Variants in EIF2B3 observed in about 807,000 individuals in gnomAD.
EIF2B3 encodes the protein eukaryotic translation initiation factor 2B subunit gamma.
A neutral mutation model predicts 54.1 loss-of-function variants in EIF2B3; 20 were observed. The ratio of observed to expected loss-of-function variants is 0.37; its 90% CI spans 0.26 to 0.54. EIF2B3 has a LOEUF of 0.54. Among genes scored for constraint, EIF2B3 ranks in the 20% least tolerant of loss-of-function variants. EIF2B3 has a pLI of 0.86. For missense variants in EIF2B3, 448 were observed against 547.8 expected (o/e 0.82, Z 1.82); for synonymous variants, 153 against 188.1 (o/e 0.81, Z 1.52).
At chr1:44,962,559 C>T (rs900267250) in intron 3 of EIF2B3, among the ~76,000 whole-genome samples, 4 of 152,142 alleles carry the variant, frequency 2.6e-5, no homozygotes, top group Admixed American at 1.3e-4. Flanking sequence ...TACTGGTGCA[C>T]ACCACTGTAC....
intron 5 of EIF2B3, among the ~76,000 whole-genome samples, chr1:44,913,332 T>C (rs1055430361): frequency 1.3e-5 from 2 of 152,142 alleles, no homozygotes; most frequent in Non-Finnish European, 2.9e-5. Flanking sequence ...CCCTTACTTC[T>C]TTCTTCGCAG....
chr1:44,877,798 G>A (rs1342450507), intron 8 of EIF2B3, among the ~76,000 whole-genome samples: 1 of 152,152 alleles, frequency 6.6e-6, no homozygotes, highest in Non-Finnish European at 1.5e-5. Context: ...GCTGGTCAGA[G>A]CACTGTGCGT....
At chr1:44,851,029 T>C (rs769464382) in intron 11 of EIF2B3, 26 bp from the exon 12 acceptor site, 1 of 1,611,520 alleles carries the variant, frequency 6.2e-7, no homozygotes, top group South Asian at 1.1e-5. Flanking sequence ...AAAAAAGTTT[T>C]CTGAGAACTG....
chr1:44,963,048 C>T (rs983485914), intron 3 of EIF2B3, among the ~76,000 whole-genome samples: 2 of 151,576 alleles, frequency 1.3e-5, no homozygotes, highest in African/African-American at 4.8e-5. Flanking sequence ...CATGGCAAAA[C>T]CCCATCTCTT....
At chr1:44,905,989 G>A (rs902305023) in intron 5 of EIF2B3, among the ~76,000 whole-genome samples, 3 of 152,114 alleles carry the variant, frequency 2.0e-5, no homozygotes, top group Admixed American at 1.3e-4. Context: ...CTCCCCAAGA[G>A]GTGCTCAAGA....
chr1:44,897,235 CTGTGCTAT>C, intron 6 of EIF2B3, 112 bp downstream of exon 6: 2 of 723,512 alleles, frequency 2.8e-6, no homozygotes, highest in Non-Finnish European at 2.4e-6. Flanking sequence ...TGAGAACTAA[CTGTGCTAT>C]TGTGCTAATT....
rs183543900 is a variant in EIF2B3, at chr1:44,867,021, A to G, written c.1202+7657T>C. On this transcript the variant is annotated intron_variant, in intron 10 of 11. Transcript: ENST00000360403. ...ATGTAAGGAACCCAGTGGGCAGGGC[A>G]GTCAGTCAGTTGAGTGCAGGTGAAG... Among the ~76,000 whole-genome samples, 205 of 152,362 alleles carry G rather than the reference A, an allele frequency of 1.3e-3. 2 individuals are homozygous for G. The highest frequency in any genetic ancestry group is 0.012 in the Admixed American group (183 of 15,306).
At chr1:44,905,386 C>T (rs1643393223) in intron 5 of EIF2B3, among the ~76,000 whole-genome samples, 1 of 152,144 alleles carries the variant, frequency 6.6e-6, no homozygotes, top group Non-Finnish European at 1.5e-5. Flanking sequence ...TGTCCAGATC[C>T]AGCTTTCCTT....
chr1:44,936,733 T>C (rs1643952412), intron 4 of EIF2B3, among the ~76,000 whole-genome samples: 1 of 152,176 alleles, frequency 6.6e-6, no homozygotes, highest in South Asian at 2.1e-4. Flanking sequence ...GTACTGCCAT[T>C]TTACATGAAA....
chr1:44,921,657 A>G (rs1304244803), intron 5 of EIF2B3, among the ~76,000 whole-genome samples: 3 of 152,102 alleles, frequency 2.0e-5, no homozygotes, highest in East Asian at 1.9e-4. Flanking sequence ...CCTTTCCCCA[A>G]CGTATATTCT....
chr1:44,904,354 G>A (rs1643373840), intron 5 of EIF2B3, among the ~76,000 whole-genome samples: 1 of 152,204 alleles, frequency 6.6e-6, no homozygotes, highest in South Asian at 2.1e-4. Flanking sequence ...GATGCCAGTG[G>A]AACTGGAGCT....
intron 1 of EIF2B3, among the ~76,000 whole-genome samples, chr1:44,984,795 A>ATGTTTTTTTTTTTTTTTTTTTTTTTTTT (rs1557718636): frequency 1.2e-5 from 1 of 80,470 alleles, no homozygotes; most frequent in Admixed American, 1.3e-4. Context: ...AATAATGTCC[A>ATGTTTTTTTTTTTTTTTTTTTTTTTTTT]TCTTTTTTTT....
intron 3 of EIF2B3, among the ~76,000 whole-genome samples, chr1:44,971,714 C>T (rs1644400632): frequency 6.6e-6 from 1 of 152,172 alleles, no homozygotes; most frequent in Non-Finnish European, 1.5e-5. Context: ...GATACTAACT[C>T]ATGCTTATTG....
At chr1:44,880,194 G>A (rs899019595) in intron 7 of EIF2B3, among the ~76,000 whole-genome samples, 186 bp from the exon 8 acceptor site, 13 of 152,118 alleles carry the variant, frequency 8.5e-5, no homozygotes, top group African/African-American at 3.1e-4. Flanking sequence ...GGGACTACAG[G>A]TGTGCACCAC....
rs1654244731 is a variant in EIF2B3 at position 44,850,755 on chromosome 1, T to A, written c.*196A>T. Reference sequence around the variant, plus strand: ...CCCACACACTTGCTCCAGATGATCTTTACCACATGACACATGAACATACAC... The same window carrying A: ...CCCACACACTTGCTCCAGATGATCTATACCACATGACACATGAACATACAC... On this transcript the variant is annotated 3_prime_UTR_variant, in exon 12 of 12. Coordinates refer to ENST00000360403, the MANE Select transcript of EIF2B3 (RefSeq NM_020365.5). The A allele has an allele frequency of 1.6e-6, 1 of 623,026 alleles. No homozygotes were observed. Among genetic ancestry groups the A allele is most frequent in the African/African-American group, 1.8e-5 (1 of 54,208 alleles). 38.6% of individuals were successfully genotyped at this position (623,026 alleles called of 1,614,324 possible).
At chr1:44,876,475 C>T (rs1215954790) in intron 8 of EIF2B3, among the ~76,000 whole-genome samples, 2 of 133,828 alleles carry the variant, frequency 1.5e-5, no homozygotes, top group African/African-American at 2.9e-5. Context: ...CTGGCAGCCG[C>T]CCCGTCTGAG....
At chr1:44,937,458 A>C (rs1643961439) in intron 4 of EIF2B3, 1 of 152,216 alleles carries the variant, frequency 6.6e-6, no homozygotes, top group Non-Finnish European at 1.5e-5. Flanking sequence ...GGCAAACAAA[A>C]GGATATAGTT....
intron 10 of EIF2B3, among the ~76,000 whole-genome samples, chr1:44,869,583 GAGGTA>G (rs907455462): frequency 6.9e-6 from 1 of 143,970 alleles, no homozygotes; most frequent in Non-Finnish European, 1.5e-5. Flanking sequence ...CAGGCACAAA[GAGGTA>G]AGGCCTTTTT....
intron 10 of EIF2B3, among the ~76,000 whole-genome samples, chr1:44,868,591 G>A (rs542920894): frequency 5.2e-4 from 78 of 151,296 alleles, no homozygotes; most frequent in Middle Eastern, 6.8e-3. Flanking sequence ...GCCTCCCAAA[G>A]TGCTGGGATT....
Sources: allele counts gnomAD v4.1 joint callset (sites outside exome capture counted in the v4.1 genomes callset), GRCh38; gene constraint gnomAD v4.1.1; transcripts MANE v1.5; gene names NCBI Gene and HGNC (gene_info 2026-07-23, HGNC 2026-07-21).